Variants in ROBO2 observed in about 807,000 individuals in gnomAD.
The protein encoded by ROBO2 is roundabout guidance receptor 2.
In ROBO2, 53 loss-of-function variants were observed where a neutral mutation model predicts 160.8. The observed-to-expected ratio is 0.33, with a 90% CI of 0.26 to 0.41. The LOEUF (loss-of-function observed/expected upper bound fraction) is 0.41, where lower values mean the gene tolerates loss of function less well. ROBO2 is among the 10% of genes least tolerant of loss of function. ROBO2 has a pLI of 1.00. For synonymous variants in ROBO2, 664 were observed against 611.7 expected, an observed-to-expected ratio of 1.09 and a Z score of -1.26; for missense variants, 1,577 against 1,722.4, an observed-to-expected ratio of 0.92 and a Z score of 1.49.
intron 2 of ROBO2, among the ~76,000 whole-genome samples, chr3:76,816,904 A>C (rs2109067838): frequency 6.6e-6 from 1 of 152,248 alleles, no homozygotes; most frequent in African/African-American, 2.4e-5. Context: ...AAAAAGGATG[A>C]GTTCATGTCA....
intron 17 of ROBO2, among the ~76,000 whole-genome samples, chr3:77,592,861 AT>A (rs768189467): frequency 6.6e-6 from 1 of 151,994 alleles, no homozygotes; most frequent in African/African-American, 2.4e-5. Flanking sequence ...CTCATGATAT[AT>A]TTTTTATAGG....
intron 2 of ROBO2, among the ~76,000 whole-genome samples, chr3:76,082,730 A>G (rs2068875489): frequency 6.6e-6 from 1 of 152,158 alleles, no homozygotes; most frequent in Non-Finnish European, 1.5e-5. Context: ...CTTTAAAAAA[A>G]TCATTACAGG....
chr3:77,275,963 C>T (rs2059797849), intron 2 of ROBO2, among the ~76,000 whole-genome samples: 1 of 152,148 alleles, frequency 6.6e-6, no homozygotes, highest in South Asian at 2.1e-4. Flanking sequence ...TCAGTGATGA[C>T]ATCCAATTGT....
At chr3:76,819,879 C>G (rs2065971164) in intron 2 of ROBO2, among the ~76,000 whole-genome samples, 1 of 151,988 alleles carries the variant, frequency 6.6e-6, no homozygotes, top group South Asian at 2.1e-4. Context: ...TCGTGTGAGT[C>G]TATGTTGGGA....
rs1271848490 is a variant in ROBO2 at position 75,935,885 on chromosome 3, A to G, written c.-13-1596A>G. Reference sequence around the variant, plus strand: ...TGTCTCAGTCTCCACAAGAGTACCCATAACCTGATGACTAGGGGATCGTGT... The same window carrying G: ...TGTCTCAGTCTCCACAAGAGTACCCGTAACCTGATGACTAGGGGATCGTGT... On this transcript the variant is annotated intron_variant, in intron 1 of 26. Transcript: ENST00000487694. 1.4e-4 allele frequency among the ~76,000 whole-genome samples: 21 copies of G among 152,292 alleles called. No homozygotes were observed. The East Asian group carries it at 3.7e-3, about 27-fold the overall frequency.
chr3:76,635,389 A>G (rs2090274874), intron 2 of ROBO2, among the ~76,000 whole-genome samples: 1 of 152,212 alleles, frequency 6.6e-6, no homozygotes, highest in Non-Finnish European at 1.5e-5. Context: ...ACTTTTGCTT[A>G]TAGCTTTGCT....
chr3:76,029,859 A>G (rs924948605), intron 2 of ROBO2, among the ~76,000 whole-genome samples: 9 of 152,198 alleles, frequency 5.9e-5, no homozygotes, highest in Admixed American at 2.0e-4. Flanking sequence ...AGCATGATTT[A>G]TAATCCTTTG....
At chr3:76,025,585 A>G (rs1576532814) in intron 2 of ROBO2, among the ~76,000 whole-genome samples, 1 of 151,734 alleles carries the variant, frequency 6.6e-6, no homozygotes, top group South Asian at 2.1e-4. Flanking sequence ...TGAGTCTCTC[A>G]TGAGGCTCAG....
chr3:77,516,889 G>C (rs965337879), intron 5 of ROBO2, among the ~76,000 whole-genome samples: 1 of 151,586 alleles, frequency 6.6e-6, no homozygotes, highest in Admixed American at 6.6e-5. Flanking sequence ...TAAAGAAGTA[G>C]AGGAGAATTT....
At chr3:77,348,561 G>A (rs777560173) in intron 2 of ROBO2, among the ~76,000 whole-genome samples, 10 of 152,208 alleles carry the variant, frequency 6.6e-5, no homozygotes, top group Non-Finnish European at 1.3e-4. Context: ...AATACAGCCC[G>A]GTAAGTTTCA....
chr3:77,462,328 A>G (rs2082329989), intron 2 of ROBO2, among the ~76,000 whole-genome samples: 1 of 152,162 alleles, frequency 6.6e-6, no homozygotes, highest in African/African-American at 2.4e-5. Context: ...CCTTCAGTTA[A>G]TGTTAAATGA....
intron 2 of ROBO2, among the ~76,000 whole-genome samples, chr3:77,220,776 G>A (rs146163355): frequency 1.6e-3 from 247 of 152,040 alleles, no homozygotes; most frequent in African/African-American, 5.7e-3. Context: ...TCATTTAGAC[G>A]TTAATGAACT....
chr3:76,792,801 A>G (rs2063452287), intron 2 of ROBO2, among the ~76,000 whole-genome samples: 2 of 151,958 alleles, frequency 1.3e-5, no homozygotes, highest in South Asian at 4.2e-4. Context: ...AAGTTGTAGG[A>G]TATGAATAGC....
At chr3:76,691,597 AAAT>A (rs1331938258) in intron 2 of ROBO2, among the ~76,000 whole-genome samples, 1 of 152,164 alleles carries the variant, frequency 6.6e-6, no homozygotes, top group East Asian at 1.9e-4. Flanking sequence ...ATGAATGTGA[AAAT>A]AATAATTCAG....
intron 2 of ROBO2, among the ~76,000 whole-genome samples, chr3:76,670,999 CTCTT>C (rs2092243771): frequency 6.6e-6 from 1 of 151,180 alleles, no homozygotes; most frequent in Non-Finnish European, 1.5e-5. Flanking sequence ...CAGGAAGTAT[CTCTT>C]TCTCATCCTC....
chr3:76,596,954 T>A (rs548513280), intron 2 of ROBO2, among the ~76,000 whole-genome samples: 8 of 152,176 alleles, frequency 5.3e-5, no homozygotes, highest in Non-Finnish European at 8.8e-5. Flanking sequence ...GTAGTGATGT[T>A]ATCTATGCTG....
intron 2 of ROBO2, among the ~76,000 whole-genome samples, chr3:77,276,754 T>C (rs2059855563): frequency 6.6e-6 from 1 of 152,126 alleles, no homozygotes; most frequent in African/African-American, 2.4e-5. Flanking sequence ...TTGGGTAATG[T>C]ATAAAGGAAA....
intron 2 of ROBO2, among the ~76,000 whole-genome samples, chr3:76,500,253 A>G (rs142772698): frequency 0.011 from 1,644 of 152,132 alleles, 21 homozygotes; most frequent in Middle Eastern, 0.034. Context: ...TAAGTAGCTG[A>G]CACTACAGGC....
intron 2 of ROBO2, among the ~76,000 whole-genome samples, chr3:76,415,979 G>A (rs1489317754): frequency 6.6e-6 from 1 of 152,046 alleles, no homozygotes; most frequent in Non-Finnish European, 1.5e-5. Context: ...CAATTATTTA[G>A]CAATGCAAAG....
Sources: allele counts gnomAD v4.1 joint callset (sites outside exome capture counted in the v4.1 genomes callset), GRCh38; gene constraint gnomAD v4.1.1; transcripts MANE v1.5; gene names NCBI Gene and HGNC (gene_info 2026-07-23, HGNC 2026-07-21).